TSPEAR: variants seen among roughly 807,000 people sequenced by gnomAD.
TSPEAR encodes thrombospondin-type laminin G domain and EAR repeat-containing protein.
In TSPEAR, 69 loss-of-function variants were observed where a neutral mutation model predicts 71.6. That is an observed-to-expected ratio of 0.96 (90% CI 0.79 to 1.18). TSPEAR has a LOEUF of 1.18. TSPEAR is among the 50% of genes most tolerant of loss of function. The pLI, the probability that TSPEAR is intolerant of heterozygous loss-of-function variation, is 0.00. For synonymous variants in TSPEAR, 402 were observed against 387.2 expected, an observed-to-expected ratio of 1.04 and a Z score of -0.45; for missense variants, 971 against 894.9, an observed-to-expected ratio of 1.09 and a Z score of -1.09.
chr21:44,646,897 T>G (rs781908820), intron 1 of TSPEAR: 3 of 1,613,400 alleles, frequency 1.9e-6, no homozygotes, highest in Admixed American at 3.3e-5. Flanking sequence ...GCCGGCCTGC[T>G]GTGTGCCCGT....
chr21:44,705,574 C>T (rs1987871245), intron 1 of TSPEAR, among the ~76,000 whole-genome samples: 1 of 152,200 alleles, frequency 6.6e-6, no homozygotes, highest in Non-Finnish European at 1.5e-5. Flanking sequence ...AACTGGCCCC[C>T]CCGGGGCGTA....
rs782517442 is a variant in TSPEAR, at chr21:44,637,935, G to A, written c.83-69930C>T. 3.7e-6 allele frequency: 6 copies of A among 1,612,982 alleles called. No homozygotes were observed. In the Admixed American group the frequency reaches 1.0e-4, roughly 27 times the overall value. The stretch of plus-strand genomic sequence containing the variant: ...TCCACTTCATGCTGCCAGCAGTCTA[G>A]CTGCCAGCCTGCTTGCTGCACCGCC... On this transcript the variant is annotated intron_variant, in intron 1 of 11. Coordinates refer to ENST00000323084, the MANE Select transcript of TSPEAR (RefSeq NM_144991.3).
chr21:44,514,052 A>C (rs2052478944), intron 9 of TSPEAR, among the ~76,000 whole-genome samples: 1 of 152,182 alleles, frequency 6.6e-6, no homozygotes, highest in African/African-American at 2.4e-5. Flanking sequence ...CAAGCTGCCT[A>C]GGCCACTGCC....
intron 1 of TSPEAR, among the ~76,000 whole-genome samples, chr21:44,680,975 A>G (rs1986556785): frequency 6.6e-6 from 1 of 152,218 alleles, no homozygotes; most frequent in Non-Finnish European, 1.5e-5. Context: ...TTAACAATGT[A>G]TTGTATGTCT....
chr21:44,692,706 A>C (rs1018861366), intron 1 of TSPEAR, among the ~76,000 whole-genome samples: 16 of 152,176 alleles, frequency 1.1e-4, no homozygotes, highest in Non-Finnish European at 2.9e-5. Flanking sequence ...GAAAGAATTA[A>C]AGAAGACCTA....
At chr21:44,674,731 AGTGT>A (rs59452363) in intron 1 of TSPEAR, among the ~76,000 whole-genome samples, 23,082 of 126,604 alleles carry the variant, frequency 0.18, 2,058 homozygotes, top group East Asian at 0.25. Flanking sequence ...CTGTCTTTAA[AGTGT>A]GTGTGTGTGT....
intron 8 of TSPEAR, among the ~76,000 whole-genome samples, chr21:44,524,153 AG>A (rs1163590605): frequency 1.4e-4 from 21 of 151,858 alleles, no homozygotes; most frequent in African/African-American, 7.2e-5. Context: ...TCAGTCAGCT[AG>A]TCAAGTAGTT....
In TSPEAR at chr21:44,574,686, T is replaced by C. The variant is rs782638394; in HGVS notation, c.83-6681A>G. 5.0e-6 allele frequency: 8 copies of C among 1,604,660 alleles called. No homozygotes were observed. In the South Asian group the frequency reaches 7.7e-5, roughly 15 times the overall value. The stretch of plus-strand genomic sequence containing the variant: ...TAGCTGCCAGCCAGCTTGCTGCACC[T>C]CCTCCCAAAGCCAGCAGGGCTGCTG... On this transcript the variant is annotated intron_variant, in intron 1 of 11. Coordinates refer to ENST00000323084, the MANE Select transcript of TSPEAR (RefSeq NM_144991.3).
At chr21:44,526,686 G>A (rs1361963883) in intron 7 of TSPEAR, among the ~76,000 whole-genome samples, 1 of 152,238 alleles carries the variant, frequency 6.6e-6, no homozygotes, top group African/African-American at 2.4e-5. Context: ...GGGGCAGTCA[G>A]GAGGTGCTGT....
Position 44,568,044 on chromosome 21 carries a change from C to T in TSPEAR, c.83-39G>A, listed in dbSNP as rs587767517. On this transcript the variant is annotated intron_variant, in intron 1 of 11. Coordinates refer to ENST00000323084, the MANE Select transcript of TSPEAR (RefSeq NM_144991.3). The stretch of plus-strand genomic sequence containing the variant: ...ATCACAGGTGGGTTAGGCCAGGACA[C>T]CCCCAAAAGTGGATACCCATAACAG... 8.2e-6 allele frequency: 12 copies of T among 1,455,638 alleles called. No homozygotes were observed. The East Asian group carries it at 1.7e-4, about 20-fold the overall frequency. The allele number at this position is 1,455,638 out of a possible 1,614,324, so 90.2% of individuals were successfully genotyped here.
intron 1 of TSPEAR, among the ~76,000 whole-genome samples, chr21:44,704,857 G>T (rs1467833872): frequency 6.6e-6 from 1 of 152,150 alleles, no homozygotes; most frequent in Non-Finnish European, 1.5e-5. Context: ...CACGGACCCT[G>T]GATGGAGCCC....
chr21:44,603,764 A>T (rs1406605869), intron 1 of TSPEAR, among the ~76,000 whole-genome samples: 1 of 152,244 alleles, frequency 6.6e-6, no homozygotes, highest in Admixed American at 6.5e-5. Flanking sequence ...TCACCTGGAC[A>T]TTCACCATTT....
chr21:44,570,833 A>G (rs1415966164), intron 1 of TSPEAR, among the ~76,000 whole-genome samples: 1 of 152,244 alleles, frequency 6.6e-6, no homozygotes, highest in African/African-American at 2.4e-5. Context: ...ATTGTCAGAA[A>G]TTAAAAGGCT....
chr21:44,522,187 C>G, intron 8 of TSPEAR, 75 bp from the exon 9 acceptor site: 1 of 1,447,222 alleles, frequency 6.9e-7, no homozygotes, highest in East Asian at 2.3e-5. Flanking sequence ...GGAGGCAGAG[C>G]CCAGTCCAAG....
At chr21:44,518,541 A>G in intron 9 of TSPEAR, 1 of 429,712 alleles carries the variant, frequency 2.3e-6, no homozygotes. Context: ...CAGGACCTCC[A>G]GGACAGCAGC....
chr21:44,666,974 C>T (rs1183954243), intron 1 of TSPEAR: 4 of 1,413,392 alleles, frequency 2.8e-6, no homozygotes, highest in Non-Finnish European at 2.9e-6. Flanking sequence ...TGGGCCCAGG[C>T]ATCCCCACAG....
intron 1 of TSPEAR, among the ~76,000 whole-genome samples, chr21:44,607,202 C>T (rs1981368923): frequency 6.6e-6 from 1 of 152,178 alleles, no homozygotes; most frequent in Admixed American, 6.5e-5. Flanking sequence ...GCCTCAGCCT[C>T]CCAAGTAGCT....
intron 1 of TSPEAR, chr21:44,657,847 A>T (rs1204151067): frequency 1.2e-6 from 1 of 840,056 alleles, no homozygotes; most frequent in Admixed American, 2.3e-5. Context: ...CACAGTGGAA[A>T]CAACCACAAG....
intron 1 of TSPEAR, among the ~76,000 whole-genome samples, chr21:44,689,712 AATATATAT>A (rs71199618): frequency 1.9e-4 from 12 of 62,038 alleles, no homozygotes; most frequent in African/African-American, 8.9e-4. Context: ...GAATAGAATG[AATATATAT>A]ATATATATAT....
Sources: allele counts gnomAD v4.1 joint callset (sites outside exome capture counted in the v4.1 genomes callset), GRCh38; gene constraint gnomAD v4.1.1; transcripts MANE v1.5; gene names NCBI Gene and HGNC (gene_info 2026-07-23, HGNC 2026-07-21).